The following PCDHGB1 variants were observed in gnomAD, a reference collection of about 807,000 sequenced individuals.
PCDHGB1 encodes protocadherin gamma subfamily B, 1.
In PCDHGB1, 34 loss-of-function variants were observed where a neutral mutation model predicts 56.6. That is an observed-to-expected ratio of 0.60 (90% CI 0.46 to 0.80). The LOEUF is 0.80. PCDHGB1 is among the 30% of genes least tolerant of loss of function. The probability of loss-of-function intolerance (pLI) is 0.00; values close to 1 mark genes in which losing one functional copy is unlikely to be tolerated. For synonymous variants in PCDHGB1, 561 were observed against 505.9 expected (o/e 1.11, Z -1.46); for missense variants, 1,278 against 1,204.6 (o/e 1.06, Z -0.90).
At chr5:141,355,398 C>G in intron 1 of PCDHGB1, 6 of 1,614,074 alleles carry the variant, frequency 3.7e-6, no homozygotes, top group Admixed American at 1.7e-5. Flanking sequence ...GAGTCCGCAT[C>G]GTCTCCAGAG....
Position 141,491,687 on chromosome 5 carries a change from G to A in PCDHGB1, c.2410-3120G>A. On this transcript the variant is annotated intron_variant, in intron 1 of 3. Transcript: ENST00000523390. This position sits in a 1 kb window ranked among gnomAD's most constrained non-coding sequence, Gnocchi z 6.9. Reference sequence around the variant, plus strand: ...ATCCGGTCCCGCTCTAATACGCTGCGGGAGCGGAGCCAGGTGAGGGGCTCG... The same window carrying A: ...ATCCGGTCCCGCTCTAATACGCTGCAGGAGCGGAGCCAGGTGAGGGGCTCG... The A allele has an allele frequency of 6.2e-7, 1 of 1,613,072 alleles. No homozygotes were observed. The highest frequency in any genetic ancestry group is 8.5e-7 in the Non-Finnish European group (1 of 1,179,608).
chr5:141,400,445 A>G (rs779145110), intron 1 of PCDHGB1: 1 of 1,614,084 alleles, frequency 6.2e-7, no homozygotes, highest in Non-Finnish European at 8.5e-7. Flanking sequence ...AGTTCAGGAC[A>G]AGACATACTT....
chr5:141,418,578 CAGTGTT>C, intron 1 of PCDHGB1: 1 of 1,614,040 alleles, frequency 6.2e-7, no homozygotes, highest in African/African-American at 1.3e-5. Flanking sequence ...GACAACCCCC[CAGTGTT>C]CAGCCAGGAC....
chr5:141,386,602 T>C (rs2090639414), intron 1 of PCDHGB1, among the ~76,000 whole-genome samples: 1 of 152,182 alleles, frequency 6.6e-6, no homozygotes, highest in African/African-American at 2.4e-5. Flanking sequence ...TACATTTTTT[T>C]TTTTTGACAT....
chr5:141,445,276 C>T (rs761058385), intron 1 of PCDHGB1, among the ~76,000 whole-genome samples: 1 of 152,218 alleles, frequency 6.6e-6, no homozygotes, highest in Non-Finnish European at 1.5e-5. Flanking sequence ...AACCACTCTG[C>T]ATAAGTTCAG....
At chr5:141,394,764 C>T in intron 1 of PCDHGB1, 3 of 1,613,450 alleles carry the variant, frequency 1.9e-6, no homozygotes, top group Middle Eastern at 1.6e-4. Flanking sequence ...GGACCATGGC[C>T]AGCCCCCTCT....
In PCDHGB1 at chr5:141,427,737, G is replaced by C. The variant is rs1460682938; in HGVS notation, c.2410-67070G>C. 2.5e-6 allele frequency: 3 copies of C among 1,223,986 alleles called. No homozygotes were observed. The African/African-American group carries it at 4.4e-5, about 18-fold the overall frequency. 75.8% of individuals were successfully genotyped at this position (1,223,986 alleles called of 1,614,324 possible). A position where few individuals can be genotyped will look rare whatever the true frequency, so the allele number is the denominator to read the frequency against. On this transcript the variant is annotated intron_variant, in intron 1 of 3. Coordinates refer to ENST00000523390, the MANE Select transcript of PCDHGB1 (RefSeq NM_018922.3). The stretch of plus-strand genomic sequence containing the variant: ...CCTGGACCTAGGGCTGAATGGCCAA[G>C]TCTCCTACTCCATCGTTACCACTGA...
rs1206130340 is a variant in PCDHGB1, at chr5:141,473,814, G to A, written c.2410-20993G>A. On this transcript the variant is annotated intron_variant, in intron 1 of 3. Coordinates refer to ENST00000523390, the MANE Select transcript of PCDHGB1 (RefSeq NM_018922.3). ...GTATGATGCTACTGAGGAGCAGCTG[G>A]ACAATTGTGTGATCCAATTAAAATT... Among the ~76,000 whole-genome samples, 5 of 152,188 alleles carry A rather than the reference G, an allele frequency of 3.3e-5. No individual in the cohort carries two copies. The East Asian group carries it at 9.6e-4, about 29-fold the overall frequency.
Position 141,489,375 on chromosome 5 carries a change from G to C in PCDHGB1, c.2410-5432G>C. On this transcript the variant is annotated intron_variant, in intron 1 of 3. Coordinates refer to ENST00000523390, the MANE Select transcript of PCDHGB1 (RefSeq NM_018922.3). The surrounding 1 kb of genome is among the most constrained non-coding windows in gnomAD (Gnocchi z 4.5). ...AGGAGTCTGAGCCGGGGACGCTGGT[G>C]GGGAATGTTGCTCAGGATCTGGGCT... 1 of 1,613,826 alleles carries C rather than the reference G, an allele frequency of 6.2e-7. No homozygotes were observed.
chr5:141,472,263 C>T (rs978647191), intron 1 of PCDHGB1, among the ~76,000 whole-genome samples: 7 of 152,144 alleles, frequency 4.6e-5, no homozygotes, highest in South Asian at 2.1e-4. Flanking sequence ...ATATTATAGC[C>T]GGGCACAGTG....
chr5:141,389,379 C>G, intron 1 of PCDHGB1: 1 of 1,613,770 alleles, frequency 6.2e-7, no homozygotes, highest in Non-Finnish European at 8.5e-7. Context: ...GCAGCGGGAG[C>G]TGTCATCCTA....
At position 141,477,591 on chromosome 5, in the gene PCDHGB1, T is replaced by C; in HGVS notation, c.2410-17216T>C. On this transcript the variant is annotated intron_variant, in intron 1 of 3. Coordinates refer to ENST00000523390, the MANE Select transcript of PCDHGB1 (RefSeq NM_018922.3). This position sits in a 1 kb window ranked among gnomAD's most constrained non-coding sequence, Gnocchi z 4.9. Reference sequence around the variant, plus strand: ...CCCGACGCCCCGCAGAATGCTCGGCTTTCTTTCTTTCTCTTGGAGCAAGGA... The same window carrying C: ...CCCGACGCCCCGCAGAATGCTCGGCCTTCTTTCTTTCTCTTGGAGCAAGGA... The C allele has an allele frequency of 6.2e-7, 1 of 1,614,136 alleles. No homozygotes were observed. The highest frequency in any genetic ancestry group is 8.5e-7 in the Non-Finnish European group (1 of 1,180,016).
chr5:141,488,441 C>T (rs1320712074), intron 1 of PCDHGB1, among the ~76,000 whole-genome samples: 1 of 152,206 alleles, frequency 6.6e-6, no homozygotes, highest in Non-Finnish European at 1.5e-5. Flanking sequence ...TGACCACCCT[C>T]CTGGGTGACC....
intron 1 of PCDHGB1, chr5:141,375,635 C>A (rs776372663): frequency 2.4e-5 from 38 of 1,614,094 alleles, no homozygotes; most frequent in Non-Finnish European, 3.1e-5. Flanking sequence ...GTACGCCCTG[C>A]GCTCCTTCGA....
At chr5:141,360,835 G>A in intron 1 of PCDHGB1, 3 of 1,613,956 alleles carry the variant, frequency 1.9e-6, no homozygotes, top group Non-Finnish European at 2.5e-6. Context: ...CAAAGTCACG[G>A]ATGCCAACGA....
intron 1 of PCDHGB1, chr5:141,364,713 A>G: frequency 6.2e-7 from 1 of 1,613,984 alleles, no homozygotes; most frequent in Non-Finnish European, 8.5e-7. Context: ...GATATTAATG[A>G]TAACTTCCCG....
Position 141,355,398 on chromosome 5 carries a change from C to A in PCDHGB1, c.2409+2729C>A, listed in dbSNP as rs768527060. 4.3e-6 allele frequency: 7 copies of A among 1,613,956 alleles called. No individual in the cohort carries two copies. In the East Asian group the frequency reaches 8.9e-5, roughly 21 times the overall value. ...AGCTGGCGGAGCGCGGAGTCCGCAT[C>A]GTCTCCAGAGGTAGGACGCAGCTTT... On this transcript the variant is annotated intron_variant, in intron 1 of 3. Transcript: ENST00000523390.
At chr5:141,371,910 T>C in intron 1 of PCDHGB1, 1 of 1,613,364 alleles carries the variant, frequency 6.2e-7, no homozygotes, top group South Asian at 1.1e-5. Flanking sequence ...GTCCTACGTG[T>C]CCGTGAGCGC....
chr5:141,402,973 C>T (rs779898665), intron 1 of PCDHGB1: 4 of 1,608,044 alleles, frequency 2.5e-6, no homozygotes, highest in Non-Finnish European at 2.5e-6. Context: ...CAACCAAATG[C>T]CAGCTCCGCG....
Sources: gnomAD v4.1 joint callset for allele counts (sites outside exome capture counted in the v4.1 genomes callset) on GRCh38, gnomAD v4.1.1 for gene constraint, Gnocchi (gnomAD v3.1) non-coding constraint, MANE v1.5 for transcripts, NCBI Gene and HGNC (gene_info 2026-07-23, HGNC 2026-07-21) for gene names.